POU6F2: variants seen among roughly 807,000 people sequenced by gnomAD.
POU6F2 encodes POU class 6 homeobox 2.
In POU6F2, 31 loss-of-function variants were observed where a neutral mutation model predicts 71.3. The observed-to-expected ratio is 0.43, with a 90% CI of 0.33 to 0.59. POU6F2 has a LOEUF of 0.59. POU6F2 is among the 20% of genes least tolerant of loss of function. POU6F2 has a pLI of 0.04. For synonymous variants in POU6F2, 347 were observed against 355.7 expected, an observed-to-expected ratio of 0.98 and a Z score of 0.27; for missense variants, 783 against 856.8, an observed-to-expected ratio of 0.91 and a Z score of 1.07.
At chr7:39,205,309 A>G (rs1793987445) in intron 3 of POU6F2, among the ~76,000 whole-genome samples, 1 of 151,998 alleles carries the variant, frequency 6.6e-6, no homozygotes, top group Non-Finnish European at 1.5e-5. Flanking sequence ...GTGTTCATGT[A>G]ATTATGTGTG....
At chr7:39,016,200 G>T (rs1266140056) in intron 1 of POU6F2, among the ~76,000 whole-genome samples, 3 of 134,256 alleles carry the variant, frequency 2.2e-5, no homozygotes, top group Admixed American at 8.2e-5. Context: ...ATTATATATA[G>T]ATGTATATAA....
intron 4 of POU6F2, among the ~76,000 whole-genome samples, chr7:39,208,445 T>G (rs1794068534): frequency 6.6e-6 from 1 of 152,200 alleles, no homozygotes; most frequent in South Asian, 2.1e-4. Context: ...ACAATTAAAA[T>G]TTTTGCAGAA....
intron 9 of POU6F2, among the ~76,000 whole-genome samples, chr7:39,462,841 CA>C: frequency 6.6e-6 from 1 of 152,258 alleles, no homozygotes; most frequent in East Asian, 1.9e-4. Context: ...ATGGAAATTG[CA>C]TTAAAATTTG....
chr7:39,301,668 C>A (rs1784950561), intron 4 of POU6F2, among the ~76,000 whole-genome samples: 1 of 152,116 alleles, frequency 6.6e-6, no homozygotes. Context: ...CCCTCTATGC[C>A]CTTATTCCAG....
At chr7:39,297,196 TACACACACACACACAC>T (rs61192418) in intron 4 of POU6F2, among the ~76,000 whole-genome samples, 28 of 139,114 alleles carry the variant, frequency 2.0e-4, no homozygotes, top group African/African-American at 6.6e-4. Flanking sequence ...CACATACACA[TACACACACACACACAC>T]ACACACACAC....
At chr7:39,088,002 C>A (rs1054093667) in intron 2 of POU6F2, among the ~76,000 whole-genome samples, 3 of 152,134 alleles carry the variant, frequency 2.0e-5, no homozygotes, top group Non-Finnish European at 4.4e-5. Flanking sequence ...ATGTTAAAAT[C>A]ATAATGGATT....
intron 4 of POU6F2, among the ~76,000 whole-genome samples, chr7:39,212,494 T>C (rs1287920584): frequency 6.6e-6 from 1 of 152,170 alleles, no homozygotes; most frequent in Non-Finnish European, 1.5e-5. Flanking sequence ...TGTGTCCCTA[T>C]GTGAAATAAG....
intron 4 of POU6F2, among the ~76,000 whole-genome samples, chr7:39,242,866 C>T (rs1382825607): frequency 6.6e-6 from 1 of 152,142 alleles, no homozygotes; most frequent in African/African-American, 2.4e-5. Flanking sequence ...CCATCAGGTT[C>T]TAGTTCTCTC....
intron 5 of POU6F2, among the ~76,000 whole-genome samples, chr7:39,400,422 C>A (rs1262075988): frequency 1.3e-5 from 2 of 152,216 alleles, no homozygotes; most frequent in Non-Finnish European, 2.9e-5. Flanking sequence ...TGACCTGCAT[C>A]TGAAGGCTTT....
chr7:39,167,166 A>G (rs1044539022), intron 2 of POU6F2, among the ~76,000 whole-genome samples: 2 of 152,078 alleles, frequency 1.3e-5, no homozygotes, highest in African/African-American at 4.8e-5. Flanking sequence ...TCTATAAGGT[A>G]TATTATATAA....
chr7:39,047,298 T>C (rs1790310847), intron 1 of POU6F2, among the ~76,000 whole-genome samples: 1 of 151,894 alleles, frequency 6.6e-6, no homozygotes, highest in Non-Finnish European at 1.5e-5. Context: ...TAAATAAAAT[T>C]GAGGAGAATT....
chr7:39,268,930 G>T (rs1454526417), intron 4 of POU6F2, among the ~76,000 whole-genome samples: 1 of 152,048 alleles, frequency 6.6e-6, no homozygotes, highest in Non-Finnish European at 1.5e-5. Flanking sequence ...CCATGCTCCT[G>T]GATCCCTCTG....
rs543657208 is a variant in POU6F2 at position 39,463,546 on chromosome 7, G to A, written c.1659-636G>A. Among the ~76,000 whole-genome samples the A allele has an allele frequency of 5.9e-5, 9 of 152,222 alleles. No homozygotes were observed. In the South Asian group the frequency reaches 1.9e-3, roughly 32 times the overall value. On this transcript the variant is annotated intron_variant, in intron 9 of 9. Coordinates refer to ENST00000518318, the MANE Select transcript of POU6F2 (RefSeq NM_001370959.1). ...ATGGGTAATGTTTTACCTGGAAAAA[G>A]GGCATGTTGTTAACTTACATACGGT...
intron 4 of POU6F2, among the ~76,000 whole-genome samples, chr7:39,334,705 C>T (rs1310828637): frequency 6.6e-6 from 1 of 152,190 alleles, no homozygotes; most frequent in African/African-American, 2.4e-5. Context: ...GTTCAGCTCC[C>T]TGAGATATTC....
chr7:39,374,888 A>T (rs1056439967), intron 5 of POU6F2, among the ~76,000 whole-genome samples: 3 of 152,246 alleles, frequency 2.0e-5, no homozygotes, highest in Admixed American at 6.5e-5. Flanking sequence ...TTAGGTTCAC[A>T]GGGAAGTGGA....
chr7:39,324,847 A>G (rs1785476182), intron 4 of POU6F2, among the ~76,000 whole-genome samples: 1 of 152,220 alleles, frequency 6.6e-6, no homozygotes, highest in Non-Finnish European at 1.5e-5. Flanking sequence ...AGCAGAGTGT[A>G]GAATTAATGT....
intron 4 of POU6F2, among the ~76,000 whole-genome samples, chr7:39,229,359 G>A (rs561220680): frequency 2.0e-4 from 30 of 152,318 alleles, no homozygotes; most frequent in African/African-American, 6.5e-4. Context: ...GCCCTCATTA[G>A]CAATGCTCCC....
At position 39,207,540 on chromosome 7, in the gene POU6F2, C is replaced by T; in HGVS notation, c.518C>T (p.Ala173Val). Reference protein sequence around the residue: ...QQGLVLTLPTANLTNIQGLVA... With the variant: ...QQGLVLTLPTVNLTNIQGLVA... ...GGACTGGTTCTCACACTGCCAACAG[C>T]GAATCTCACCAACATCCAAGGGCTG... The change falls in exon 4 of 10, where the codon GCG (alanine) becomes GTG (valine). Residue 173 changes from alanine (A) to valine (V), a missense_variant. Coordinates refer to ENST00000518318, the MANE Select transcript of POU6F2 (RefSeq NM_001370959.1). The T allele has an allele frequency of 5.0e-6, 8 of 1,614,004 alleles. No homozygotes were observed. Among genetic ancestry groups the T allele is most frequent in the South Asian group, 3.3e-5 (3 of 91,088 alleles).
At chr7:39,327,852 G>GT (rs1480296786) in intron 4 of POU6F2, among the ~76,000 whole-genome samples, 1 of 145,258 alleles carries the variant, frequency 6.9e-6, no homozygotes, top group Non-Finnish European at 1.5e-5. Flanking sequence ...ATTAGTTTGT[G>GT]TCAAAAAAAA....
Sources: allele counts gnomAD v4.1 joint callset (sites outside exome capture counted in the v4.1 genomes callset), GRCh38; gene constraint gnomAD v4.1.1; transcripts MANE v1.5; gene names NCBI Gene and HGNC (gene_info 2026-07-23, HGNC 2026-07-21).